Variants in CSRNP3 observed in about 807,000 individuals in gnomAD.
The protein encoded by CSRNP3 is cysteine/serine-rich nuclear protein 3.
CSRNP3 carries 12 observed loss-of-function variants against 48.0 expected under a neutral mutation model. The observed-to-expected ratio is 0.25, with a 90% CI of 0.16 to 0.41. The LOEUF is 0.41. Among genes scored for constraint, CSRNP3 ranks in the 10% least tolerant of loss-of-function variants. The pLI is 1.00. For missense variants in CSRNP3, 580 were observed against 724.4 expected (o/e 0.80, Z 2.29); for synonymous variants, 263 against 269.7 (o/e 0.98, Z 0.24).
chr2:165,489,213 C>T (rs1432909809), intron 1 of CSRNP3, among the ~76,000 whole-genome samples: 29 of 151,656 alleles, frequency 1.9e-4, no homozygotes, highest in Non-Finnish European at 2.5e-4. Context: ...TGAATACATT[C>T]CTCAACACAT....
In CSRNP3 at chr2:165,654,629, T is replaced by C. The variant is rs529315104; in HGVS notation, c.149-3132T>C. On this transcript the variant is annotated intron_variant, in intron 4 of 6. Coordinates refer to ENST00000651982, the MANE Select transcript of CSRNP3 (RefSeq NM_001172173.2). ...CATCTGTGTATTTATTTTTTATTTA[T>C]TTATTCTTTTTATTTTTTGAGATGC... Among the ~76,000 whole-genome samples the C allele has an allele frequency of 7.2e-5, 11 of 152,252 alleles. No individual in the cohort carries two copies. In the South Asian group the frequency reaches 1.2e-3, roughly 17 times the overall value.
At chr2:165,656,149 T>G (rs1343476105) in intron 4 of CSRNP3, among the ~76,000 whole-genome samples, 1 of 152,240 alleles carries the variant, frequency 6.6e-6, no homozygotes, top group African/African-American at 2.4e-5. Flanking sequence ...TCGTATAATT[T>G]GGCAGCGAAT....
chr2:165,520,977 C>T (rs1169176432), intron 3 of CSRNP3, among the ~76,000 whole-genome samples: 1 of 150,810 alleles, frequency 6.6e-6, no homozygotes, highest in East Asian at 2.0e-4. Context: ...GCATGCACTA[C>T]CACACTTGGG....
intron 3 of CSRNP3, among the ~76,000 whole-genome samples, chr2:165,573,845 T>A (rs1408668662): frequency 3.3e-5 from 5 of 151,410 alleles, no homozygotes; most frequent in East Asian, 3.9e-4. Context: ...TATTTGAATT[T>A]AAAAAAAAAG....
chr2:165,540,964 A>G (rs1276841409), intron 3 of CSRNP3, among the ~76,000 whole-genome samples: 1 of 152,098 alleles, frequency 6.6e-6, no homozygotes, highest in African/African-American at 2.4e-5. Flanking sequence ...ATATTTTTAC[A>G]TGGCGGGGTT....
At chr2:165,631,856 G>A (rs1330939882) in intron 4 of CSRNP3, among the ~76,000 whole-genome samples, 1 of 152,230 alleles carries the variant, frequency 6.6e-6, no homozygotes, top group African/African-American at 2.4e-5. Flanking sequence ...TAATGGCAGA[G>A]TCAACTAGTT....
In CSRNP3 at chr2:165,515,132, A is replaced by T. The variant is rs1283221330; in HGVS notation, c.-112-2741A>T. ...CAGGAGTTTGAGACCAGCCTGGCCA[A>T]CATGGTGAAACCCCGTCTCAACTAA... On this transcript the variant is annotated intron_variant, in intron 2 of 6. Transcript: ENST00000651982. Among the ~76,000 whole-genome samples the T allele has an allele frequency of 1.6e-4, 24 of 148,604 alleles. No homozygotes were observed. In the Admixed American group the frequency reaches 1.6e-3, roughly 10 times the overall value.
At chr2:165,616,847 ATTTGTTTTTTTGTTT>A (rs1387897643) in intron 4 of CSRNP3, among the ~76,000 whole-genome samples, 1 of 151,844 alleles carries the variant, frequency 6.6e-6, no homozygotes, top group East Asian at 1.9e-4. Context: ...CATTCTTTAA[ATTTGTTTTTTTGTTT>A]TTTGTTTTTT....
rs1687627370 is a variant in CSRNP3, at chr2:165,686,168, A to T, written c.*6415A>T. On this transcript the variant is annotated 3_prime_UTR_variant, in exon 7 of 7. Transcript: ENST00000651982. ...ATTTATTAATGAGTATTTGGAAGAA[A>T]ATTGACCTAGAAAATGTCTCTTTTA... 1 of 152,018 alleles carries T rather than the reference A, an allele frequency of 6.6e-6. No homozygotes were observed. Among genetic ancestry groups the T allele is most frequent in the South Asian group, 2.1e-4 (1 of 4,824 alleles). The allele number at this position is 152,018 out of a possible 1,614,324, so 9.4% of individuals were successfully genotyped here. A position where few individuals can be genotyped will look rare whatever the true frequency, so the allele number is the denominator to read the frequency against.
intron 4 of CSRNP3, among the ~76,000 whole-genome samples, chr2:165,644,088 C>T (rs989081938): frequency 2.0e-5 from 3 of 152,142 alleles, no homozygotes; most frequent in African/African-American, 7.2e-5. Context: ...GGTAACTCTT[C>T]CCCCACCAGC....
At chr2:165,646,807 ATTATTTATGTTT>A in intron 4 of CSRNP3, among the ~76,000 whole-genome samples, 1 of 152,290 alleles carries the variant, frequency 6.6e-6, no homozygotes, top group South Asian at 2.1e-4. Context: ...CAGAACTGTG[ATTATTTATGTTT>A]AGTAACAACT....
intron 3 of CSRNP3, among the ~76,000 whole-genome samples, chr2:165,540,970 G>A (rs1684948896): frequency 1.3e-5 from 2 of 151,956 alleles, no homozygotes; most frequent in Admixed American, 1.3e-4. Context: ...TTACATGGCG[G>A]GGTTTTCTCT....
intron 4 of CSRNP3, among the ~76,000 whole-genome samples, chr2:165,615,888 GTTTTTTTTTTTT>G (rs957235965): frequency 1.7e-5 from 1 of 59,272 alleles, no homozygotes; most frequent in Non-Finnish European, 3.4e-5. Context: ...TGTTTGTGGG[GTTTTTTTTTTTT>G]TTTTTTTTTT....
intron 6 of CSRNP3, among the ~76,000 whole-genome samples, chr2:165,677,806 C>A (rs1332429936): frequency 1.3e-5 from 2 of 152,176 alleles, no homozygotes; most frequent in Non-Finnish European, 2.9e-5. Flanking sequence ...GTAAATCTCT[C>A]ATGAATACCC....
intron 1 of CSRNP3, among the ~76,000 whole-genome samples, chr2:165,487,270 A>G (rs1684134054): frequency 1.4e-5 from 2 of 145,682 alleles, no homozygotes; most frequent in South Asian, 4.5e-4. Flanking sequence ...AAAGGAGCAA[A>G]GCCTCCAAGA....
At chr2:165,578,832 G>C (rs1341583025) in intron 3 of CSRNP3, among the ~76,000 whole-genome samples, 1 of 152,076 alleles carries the variant, frequency 6.6e-6, no homozygotes, top group Non-Finnish European at 1.5e-5. Flanking sequence ...TAAGGGAATG[G>C]TTAAGAACTT....
chr2:165,584,672 A>G (rs1574849142), intron 3 of CSRNP3, among the ~76,000 whole-genome samples: 1 of 152,220 alleles, frequency 6.6e-6, no homozygotes, highest in Non-Finnish European at 1.5e-5. Context: ...AGAATGAGTC[A>G]AAAGCCTGCA....
At chr2:165,534,650 ATAT>A (rs949828479) in intron 3 of CSRNP3, among the ~76,000 whole-genome samples, 69 of 151,960 alleles carry the variant, frequency 4.5e-4, no homozygotes, top group African/African-American at 1.5e-3. Context: ...TTATAAAGAA[ATAT>A]TATATAGCTC....
At chr2:165,522,693 T>C (rs977336602) in intron 3 of CSRNP3, among the ~76,000 whole-genome samples, 25 of 152,028 alleles carry the variant, frequency 1.6e-4, no homozygotes, top group African/African-American at 6.0e-4. Context: ...TTCACTTCTT[T>C]TGCTTAGAAT....
Sources: gnomAD v4.1 joint callset for allele counts (sites outside exome capture counted in the v4.1 genomes callset) on GRCh38, gnomAD v4.1.1 for gene constraint, MANE v1.5 for transcripts, NCBI Gene and HGNC (gene_info 2026-07-23, HGNC 2026-07-21) for gene names.